The following CEP128 variants were observed in gnomAD, a reference collection of about 807,000 sequenced individuals.
CEP128 encodes centrosomal protein 128kDa.
CEP128 carries 132 observed loss-of-function variants against 156.7 expected under a neutral mutation model. That is an observed-to-expected ratio of 0.84 (90% CI 0.73 to 0.97). The LOEUF (loss-of-function observed/expected upper bound fraction) is 0.97, where lower values mean the gene tolerates loss of function less well. CEP128 is among the 50% of genes least tolerant of loss of function. CEP128 has a pLI of 0.00. For missense variants in CEP128, 1,252 were observed against 1,281.9 expected, an observed-to-expected ratio of 0.98 and a Z score of 0.36; for synonymous variants, 469 against 448.9, an observed-to-expected ratio of 1.04 and a Z score of -0.57.
At chr14:80,700,900 G>C (rs1897052539) in intron 19 of CEP128, among the ~76,000 whole-genome samples, 1 of 152,058 alleles carries the variant, frequency 6.6e-6, no homozygotes, top group African/African-American at 2.4e-5. Context: ...TTTAATATAA[G>C]GGATACCCAA....
chr14:80,922,398 A>T (rs1260102137), intron 2 of CEP128, among the ~76,000 whole-genome samples: 2 of 152,240 alleles, frequency 1.3e-5, no homozygotes, highest in Admixed American at 1.3e-4. Context: ...TTATGAACTG[A>T]AAGAAAATTT....
chr14:80,956,265 GTTTCTC>G (rs1566735752), intron 2 of CEP128, among the ~76,000 whole-genome samples: 3 of 152,064 alleles, frequency 2.0e-5, no homozygotes, highest in Non-Finnish European at 2.9e-5. Context: ...TCTCCTTTTT[GTTTCTC>G]TAGATGGGAG....
At chr14:80,849,220 G>T (rs955523133) in intron 9 of CEP128, among the ~76,000 whole-genome samples, 1 of 152,104 alleles carries the variant, frequency 6.6e-6, no homozygotes, top group African/African-American at 2.4e-5. Flanking sequence ...TATCAAGATG[G>T]TTATCTATCT....
At chr14:80,670,897 CAGTG>C (rs370948580) in intron 19 of CEP128, among the ~76,000 whole-genome samples, 2 of 152,184 alleles carry the variant, frequency 1.3e-5, no homozygotes, top group African/African-American at 4.8e-5. Flanking sequence ...GATTTTTTAT[CAGTG>C]AGAGAGATTT....
chr14:80,632,402 T>G (rs1464022948), intron 19 of CEP128, among the ~76,000 whole-genome samples: 1 of 148,792 alleles, frequency 6.7e-6, no homozygotes, highest in Non-Finnish European at 1.5e-5. Flanking sequence ...ATATACTGCA[T>G]ATAGTATATA....
At chr14:80,510,186 C>A (rs1448777956) in intron 23 of CEP128, among the ~76,000 whole-genome samples, 1 of 152,086 alleles carries the variant, frequency 6.6e-6, no homozygotes, top group Non-Finnish European at 1.5e-5. Flanking sequence ...ATAGGGGTTG[C>A]ACTGAATTTG....
intron 9 of CEP128, among the ~76,000 whole-genome samples, chr14:80,855,105 G>A (rs185301079): frequency 4.1e-4 from 63 of 152,224 alleles, no homozygotes; most frequent in African/African-American, 1.5e-3. Flanking sequence ...ATAAACACTG[G>A]AGTAGGAGTT....
chr14:80,943,939 A>G (rs1886263671), upstream of CEP128, among the ~76,000 whole-genome samples: 1 of 151,516 alleles, frequency 6.6e-6, no homozygotes, highest in Non-Finnish European at 1.5e-5. Context: ...GGTTGCAGTG[A>G]GCTGAGATGG....
At chr14:80,909,906 A>G (rs1884111680) in intron 4 of CEP128, among the ~76,000 whole-genome samples, 1 of 152,226 alleles carries the variant, frequency 6.6e-6, no homozygotes, top group Non-Finnish European at 1.5e-5. Flanking sequence ...AAAATTAAAT[A>G]AAAACAAAAT....
chr14:80,755,996 C>T (rs1899640881), intron 18 of CEP128, among the ~76,000 whole-genome samples: 1 of 152,168 alleles, frequency 6.6e-6, no homozygotes, highest in African/African-American at 2.4e-5. Context: ...CATAGTTTAA[C>T]TGAACTACTG....
chr14:80,592,382 C>A (rs897561802), intron 19 of CEP128, among the ~76,000 whole-genome samples: 2 of 152,194 alleles, frequency 1.3e-5, no homozygotes, highest in African/African-American at 4.8e-5. Flanking sequence ...CACCTCTACA[C>A]AAATAAACTA....
At chr14:80,862,054 TTATC>T (rs1887538481) in intron 9 of CEP128, among the ~76,000 whole-genome samples, 1 of 152,204 alleles carries the variant, frequency 6.6e-6, no homozygotes, top group African/African-American at 2.4e-5. Context: ...ATTTTCAACT[TTATC>T]TATGTCTGCA....
chr14:80,507,799 T>C (rs1888048815), intron 23 of CEP128, among the ~76,000 whole-genome samples: 1 of 152,180 alleles, frequency 6.6e-6, no homozygotes, highest in South Asian at 2.1e-4. Context: ...TAAACAAAGA[T>C]ATTTAAATAC....
At chr14:80,518,727 T>G (rs1888605121) in intron 23 of CEP128, among the ~76,000 whole-genome samples, 1 of 152,218 alleles carries the variant, frequency 6.6e-6, no homozygotes, top group Non-Finnish European at 1.5e-5. Context: ...ACCACTCACA[T>G]TTATTTCTTT....
intron 15 of CEP128, among the ~76,000 whole-genome samples, chr14:80,784,079 ATAAT>A (rs1901265117): frequency 2.0e-5 from 3 of 152,192 alleles, no homozygotes; most frequent in Admixed American, 2.0e-4. Flanking sequence ...AAACATTATA[ATAAT>A]TAACCTTCAA....
intron 13 of CEP128, among the ~76,000 whole-genome samples, chr14:80,801,936 A>AAAAAAAAAC (rs1566636604): frequency 6.7e-6 from 1 of 150,152 alleles, no homozygotes; most frequent in Non-Finnish European, 1.5e-5. Flanking sequence ...AAAAAAAAAA[A>AAAAAAAAAC]AGCTCAACAT....
At chr14:80,589,940 AT>A (rs1350499683) in intron 19 of CEP128, among the ~76,000 whole-genome samples, 4 of 152,112 alleles carry the variant, frequency 2.6e-5, no homozygotes, top group Admixed American at 1.3e-4. Flanking sequence ...ACCTTATTAA[AT>A]TTTTTTCTGG....
chr14:80,858,178 G>T (rs1382812122), intron 9 of CEP128, among the ~76,000 whole-genome samples: 26 of 150,058 alleles, frequency 1.7e-4, no homozygotes, highest in African/African-American at 6.1e-4. Flanking sequence ...AAACAGCATG[G>T]TACTGGTACC....
intron 19 of CEP128, among the ~76,000 whole-genome samples, chr14:80,629,066 AAC>A (rs2140713351): frequency 6.6e-6 from 1 of 152,094 alleles, no homozygotes; most frequent in African/African-American, 2.4e-5. Context: ...AAAAAAAAAA[AAC>A]AAACGGGTTT....
Sources: gnomAD v4.1 joint callset for allele counts (sites outside exome capture counted in the v4.1 genomes callset) on GRCh38, gnomAD v4.1.1 for gene constraint, MANE v1.5 for transcripts, NCBI Gene and HGNC (gene_info 2026-07-23, HGNC 2026-07-21) for gene names.